OR8K3: variants seen among roughly 807,000 people sequenced by gnomAD.
OR8K3 encodes the protein olfactory receptor 8K3.
For synonymous variants in OR8K3, 167 were observed against 138.8 expected, an observed-to-expected ratio of 1.20 and a Z score of -1.43; for missense variants, 448 against 367.4, an observed-to-expected ratio of 1.22 and a Z score of -1.79.
chr11:56,318,933 A>C lies in OR8K3; in HGVS notation c.627A>C (p.Ser209=), dbSNP rs750782672. Residue 209 remains serine, a synonymous_variant, in exon 3 of 3, where the codon TCA becomes TCC. Coordinates refer to ENST00000641662, the MANE Select transcript of OR8K3 (RefSeq NM_001005202.2). ...TCTTTGCAGCTATTGATTTGATTTC[A>C]TCTCTTCTGATAGTTCTTTTATCTT... The part of the protein sequence containing the change: ...ILIFAAIDLI[S]SLLIVLLSYL... The C allele has an allele frequency of 6.2e-7, 1 of 1,614,116 alleles. No homozygotes were observed. The highest frequency in any genetic ancestry group is 8.5e-7 in the Non-Finnish European group (1 of 1,179,994).
Position 56,318,884 on chromosome 11 carries a change from A to T in OR8K3, c.578A>T (p.His193Leu). 1 of 1,613,738 alleles carries T rather than the reference A, an allele frequency of 6.2e-7. No individual in the cohort carries two copies. Among genetic ancestry groups the T allele is most frequent in the Non-Finnish European group, 8.5e-7 (1 of 1,179,624 alleles). ...PLLPLLCSNTHEIELIILIFA... is the reference protein window; with the variant it reads ...PLLPLLCSNTLEIELIILIFA... ...TTACCTTTGCTTTGTTCAAATACAC[A>T]TGAAATTGAATTGATAATTCTGATC... Residue 193 changes from histidine (H) to leucine (L), a missense_variant, in exon 3 of 3, where the codon CAT becomes CTT. His to Leu is a moderately conservative substitution (Grantham distance 99). Transcript: ENST00000641662.
chr11:56,317,979 G>A (rs914578308), intron 2 of OR8K3, among the ~76,000 whole-genome samples: 8 of 152,086 alleles, frequency 5.3e-5, no homozygotes, highest in Non-Finnish European at 1.5e-5. Flanking sequence ...ATAGTGGAAT[G>A]TTTAGCAGCT....
At chr11:56,317,892 T>G (rs1014743046) in intron 2 of OR8K3, among the ~76,000 whole-genome samples, 1 of 152,140 alleles carries the variant, frequency 6.6e-6, no homozygotes, top group African/African-American at 2.4e-5. Flanking sequence ...TGTCTATTCA[T>G]GTATCTCATC....
intron 2 of OR8K3, among the ~76,000 whole-genome samples, chr11:56,317,106 A>T (rs1402496038): frequency 6.6e-6 from 1 of 152,062 alleles, no homozygotes; most frequent in Non-Finnish European, 1.5e-5. Context: ...CCTAGGCATC[A>T]TTATGGTCCT....
intron 2 of OR8K3, among the ~76,000 whole-genome samples, chr11:56,316,338 T>G (rs1401681046): frequency 6.6e-6 from 1 of 151,994 alleles, no homozygotes; most frequent in Non-Finnish European, 1.5e-5. Context: ...TCTTTATTTT[T>G]TCATAGCTCA....
Position 56,319,058 on chromosome 11 carries a change from A to G in OR8K3, c.752A>G (p.Tyr251Cys), listed in dbSNP as rs749422741. ...CACCTGACAGTGGTCATAGTGTTCT[A>G]TGGGACTTTGCTTTTCATGTACGTG... ...GAHLTVVIVF[Y>C]GTLLFMYVQP... The change falls in exon 3 of 3, where the codon TAT becomes TGT. Residue 251 changes from tyrosine (Y) to cysteine (C), a missense_variant. Physicochemically the swap from Tyr to Cys is radical, Grantham distance 194 (BLOSUM62 -2). Transcript: ENST00000641662. 26 of 1,614,000 alleles carry G rather than the reference A, an allele frequency of 1.6e-5. No homozygotes were observed. In the Admixed American group the frequency reaches 3.0e-4, roughly 19 times the overall value.
intron 2 of OR8K3, 142 bp downstream of exon 2, chr11:56,316,199 A>G (rs1333807097): frequency 1.3e-5 from 2 of 151,970 alleles, no homozygotes; most frequent in African/African-American, 2.4e-5. Flanking sequence ...ACACATTACC[A>G]TATATCTAAT....
In OR8K3 at chr11:56,318,466, A is replaced by G. The variant is rs1854474867; in HGVS notation, c.160A>G (p.Arg54Gly). 3 of 1,614,060 alleles carry G rather than the reference A, an allele frequency of 1.9e-6. No homozygotes were observed. Among genetic ancestry groups the G allele is most frequent in the Non-Finnish European group, 2.5e-6 (3 of 1,180,008 alleles). ...GMIVLTKLDS[R>G]LQTPMYFFLR... ...GATTGTCCTCACCAAGTTGGACTCC[A>G]GGTTGCAAACCCCTATGTACTTTTT... Residue 54 changes from arginine to glycine, a missense_variant, in exon 3 of 3, where the codon AGG (arginine) becomes GGG (glycine). Coordinates refer to ENST00000641662, the MANE Select transcript of OR8K3 (RefSeq NM_001005202.2).
In OR8K3 at chr11:56,319,790, T is replaced by C. The variant is rs1318504684; in HGVS notation, c.*545T>C. On this transcript the variant is annotated 3_prime_UTR_variant, in exon 3 of 3. Transcript: ENST00000641662. ...AGTCTTACAGATGTGCTCGAATAAT[T>C]ACTATTCCGAATATTAGGATCCTAC... is the stretch of plus-strand genomic sequence containing the variant. 6.5e-6 allele frequency: 1 copy of C among 152,680 alleles called. No homozygotes were observed. Among genetic ancestry groups the C allele is most frequent in the African/African-American group, 2.4e-5 (1 of 41,472 alleles). The allele number at this position is 152,680 out of a possible 1,614,324, so 9.5% of individuals were successfully genotyped here.
Position 56,319,156 on chromosome 11 carries a change from T to C in OR8K3, c.850T>C (p.Leu284=). 6.2e-7 allele frequency: 1 copy of C among 1,613,386 alleles called. No homozygotes were observed. Among genetic ancestry groups the C allele is most frequent in the Non-Finnish European group, 8.5e-7 (1 of 1,179,290 alleles). Reference sequence around the variant, plus strand: ...ATTTTACACCCTGGTTATCCCCATGTTGAATCCCTTGATCTATAGTTTACG... The same window carrying C: ...ATTTTACACCCTGGTTATCCCCATGCTGAATCCCTTGATCTATAGTTTACG... ...SIFYTLVIPM[L]NPLIYSLRNK... The change falls in exon 3 of 3, where the codon TTG becomes CTG. Residue 284 remains leucine, a synonymous_variant. Coordinates refer to ENST00000641662, the MANE Select transcript of OR8K3 (RefSeq NM_001005202.2).
chr11:56,318,180 G>A (rs569520126), intron 2 of OR8K3, 104 bp from the exon 3 acceptor site: 17 of 578,668 alleles, frequency 2.9e-5, no homozygotes, highest in East Asian at 1.1e-4. Flanking sequence ...TTCAAATGTC[G>A]CAAATTGTGA....
intron 1 of OR8K3, among the ~76,000 whole-genome samples, chr11:56,315,792 AC>A (rs1000016409): frequency 5.9e-5 from 9 of 151,818 alleles, no homozygotes; most frequent in Non-Finnish European, 1.2e-4. Context: ...GAAAAAAAAA[AC>A]ATTTTAAAAT....
Position 56,319,012 on chromosome 11 carries a change from G to T in OR8K3, c.706G>T (p.Ala236Ser). 6.2e-7 allele frequency: 1 copy of T among 1,614,090 alleles called. No individual in the cohort carries two copies. The change falls in exon 3 of 3, where the codon GCT (alanine) becomes TCT (serine). Residue 236 changes from alanine to serine, a missense_variant. Ala to Ser is a moderately conservative substitution (Grantham distance 99). Coordinates refer to ENST00000641662, the MANE Select transcript of OR8K3 (RefSeq NM_001005202.2). ...LRMNSAGRQK[A>S]FSTCGAHLTV... ...GATGAATTCTGCTGGCAGACAAAAGGCTTTTTCTACCTGTGGAGCCCACCT... is the reference window on the plus strand; with the variant it reads ...GATGAATTCTGCTGGCAGACAAAAGTCTTTTTCTACCTGTGGAGCCCACCT...
intron 2 of OR8K3, among the ~76,000 whole-genome samples, chr11:56,317,450 T>C (rs1020492749): frequency 1.3e-5 from 2 of 152,122 alleles, no homozygotes; most frequent in Non-Finnish European, 2.9e-5. Context: ...TATTTCCTGA[T>C]ATTTTTTGCT....
rs1400564155 is a variant in OR8K3 at position 56,320,217 on chromosome 11, A to G, written c.*972A>G. ...CAATATGCACTATATCGAATGCACT[A>G]TATTTTCATTTACTTCACTGTTTGA... On this transcript the variant is annotated 3_prime_UTR_variant, in exon 3 of 3. Coordinates refer to ENST00000641662, the MANE Select transcript of OR8K3 (RefSeq NM_001005202.2). 1.3e-5 allele frequency: 2 copies of G among 152,190 alleles called. No individual in the cohort carries two copies. The highest frequency in any genetic ancestry group is 3.2e-3 in the Middle Eastern group (1 of 316). The allele number at this position is 152,190 out of a possible 1,614,324, so 9.4% of individuals were successfully genotyped here.
chr11:56,318,095 C>T (rs932914409), intron 2 of OR8K3, among the ~76,000 whole-genome samples, 189 bp from the exon 3 acceptor site: 1 of 152,106 alleles, frequency 6.6e-6, no homozygotes, highest in African/African-American at 2.4e-5. Flanking sequence ...AAATCAAAAG[C>T]AACTGAAAAC....
At position 56,318,080 on chromosome 11, in the gene OR8K3, G is replaced by A. The variant is rs369701974; in HGVS notation, c.-23-204G>A. On this transcript the variant is annotated intron_variant, in intron 2 of 2. Transcript: ENST00000641662. ...TAGACATTAGAAAATGTTTTTGGGT[G>A]AGTAAAATCAAAAGCAACTGAAAAC... is the stretch of plus-strand genomic sequence containing the variant. Among the ~76,000 whole-genome samples, 6 of 152,266 alleles carry A rather than the reference G, an allele frequency of 3.9e-5. No individual in the cohort carries two copies. The East Asian group carries it at 1.2e-3, about 29-fold the overall frequency.
chr11:56,319,159 A>T lies in OR8K3; in HGVS notation c.853A>T (p.Asn285Tyr), dbSNP rs779909094. Residue 285 changes from asparagine (N) to tyrosine (Y), a missense_variant, in exon 3 of 3, where the codon AAT (asparagine) becomes TAT (tyrosine). By Grantham distance (143) the Asn-to-Tyr change is moderately radical. Transcript: ENST00000641662. ...TTACACCCTGGTTATCCCCATGTTG[A>T]ATCCCTTGATCTATAGTTTACGAAA... is the stretch of plus-strand genomic sequence containing the variant. Reference protein sequence around the residue: ...IFYTLVIPMLNPLIYSLRNKD... With the variant: ...IFYTLVIPMLYPLIYSLRNKD... 1 of 1,613,354 alleles carries T rather than the reference A, an allele frequency of 6.2e-7. No individual in the cohort carries two copies. Among genetic ancestry groups the T allele is most frequent in the South Asian group, 1.1e-5 (1 of 91,082 alleles).
Position 56,319,612 on chromosome 11 carries a change from TAAAATTTA to T in OR8K3, c.*368_*375del. On this transcript the variant is annotated 3_prime_UTR_variant, in exon 3 of 3. Coordinates refer to ENST00000641662, the MANE Select transcript of OR8K3 (RefSeq NM_001005202.2). ...CAGTGTTTTTTATCTGCTACTGGAATAAAATTTACAGTGTGTGTGCTTCTGTATGTTTC... is the reference window on the plus strand; with the variant it reads ...CAGTGTTTTTTATCTGCTACTGGAATCAGTGTGTGTGCTTCTGTATGTTTC... The T allele has an allele frequency of 5.3e-6, 1 of 187,468 alleles. No individual in the cohort carries two copies. Among genetic ancestry groups the T allele is most frequent in the Non-Finnish European group, 1.1e-5 (1 of 89,444 alleles). 11.6% of individuals were successfully genotyped at this position (187,468 alleles called of 1,614,324 possible). A position where few individuals can be genotyped will look rare whatever the true frequency, so the allele number is the denominator to read the frequency against.
Sources: gnomAD v4.1 joint callset for allele counts (sites outside exome capture counted in the v4.1 genomes callset) on GRCh38, gnomAD v4.1.1 for gene constraint, MANE v1.5 for transcripts, NCBI Gene and HGNC (gene_info 2026-07-23, HGNC 2026-07-21) for gene names.